Variants in HIVEP2 observed in about 807,000 individuals in gnomAD.
HIVEP2 encodes HIVEP zinc finger 2.
Under a neutral mutation model 180.7 loss-of-function variants are expected in HIVEP2, and 14 were observed. The ratio of observed to expected loss-of-function variants is 0.08; its 90% CI spans 0.05 to 0.12. The LOEUF (loss-of-function observed/expected upper bound fraction) is 0.12, where lower values mean the gene tolerates loss of function less well. Ranked by LOEUF, HIVEP2 falls within the 10% of genes least tolerant of loss-of-function variation. HIVEP2 has a pLI of 1.00. For missense variants in HIVEP2, 2,579 were observed against 3,008.5 expected (o/e 0.86, Z 3.34); for synonymous variants, 1,184 against 1,136.4 (o/e 1.04, Z -0.84).
At chr6:142,765,038 A>C in intron 6 of HIVEP2, 64 bp from the exon 7 acceptor site, 1 of 1,450,972 alleles carries the variant, frequency 6.9e-7, no homozygotes, top group Non-Finnish European at 9.3e-7. Flanking sequence ...ATATTAAAGC[A>C]AAAGCTAATT....
At chr6:142,884,462 T>C (rs902972227) in intron 1 of HIVEP2, among the ~76,000 whole-genome samples, 31 of 149,134 alleles carry the variant, frequency 2.1e-4, no homozygotes, top group African/African-American at 6.4e-4. Context: ...AATTGTCATT[T>C]AAAAAAAAAA....
At chr6:142,832,223 AAAAC>A (rs1775107894) in intron 2 of HIVEP2, among the ~76,000 whole-genome samples, 2 of 151,786 alleles carry the variant, frequency 1.3e-5, no homozygotes, top group Admixed American at 1.3e-4. Flanking sequence ...ACAAAAAACA[AAAAC>A]AAACAAAAAA....
intron 1 of HIVEP2, among the ~76,000 whole-genome samples, chr6:142,877,410 A>G (rs1562275364): frequency 6.6e-6 from 1 of 152,212 alleles, no homozygotes; most frequent in Non-Finnish European, 1.5e-5. Context: ...TGAATACCAC[A>G]ATACAAATTT....
intron 9 of HIVEP2, among the ~76,000 whole-genome samples, chr6:142,754,811 AT>A (rs1390603130): frequency 1.3e-5 from 2 of 152,210 alleles, no homozygotes; most frequent in Non-Finnish European, 1.5e-5. Flanking sequence ...TTCAGCCAGA[AT>A]TTCAGATTTC....
chr6:142,857,470 T>C (rs2114943243), intron 1 of HIVEP2, among the ~76,000 whole-genome samples: 1 of 152,338 alleles, frequency 6.6e-6, no homozygotes, highest in African/African-American at 2.4e-5. Flanking sequence ...TTAGAACTGA[T>C]AATTATGCCT....
chr6:142,934,172 A>G (rs1210938604), intron 1 of HIVEP2, among the ~76,000 whole-genome samples: 1 of 152,198 alleles, frequency 6.6e-6, no homozygotes, highest in Non-Finnish European at 1.5e-5. Flanking sequence ...ATTTTTTTCA[A>G]CAATTGAATT....
At chr6:142,756,013 A>T (rs923710872) in intron 9 of HIVEP2, among the ~76,000 whole-genome samples, 1 of 152,250 alleles carries the variant, frequency 6.6e-6, no homozygotes, top group Non-Finnish European at 1.5e-5. Context: ...ACAAACTTCC[A>T]TCTTACTTAA....
At chr6:142,842,653 C>G (rs748715718) in intron 1 of HIVEP2, among the ~76,000 whole-genome samples, 1 of 152,018 alleles carries the variant, frequency 6.6e-6, no homozygotes, top group Non-Finnish European at 1.5e-5. Context: ...TTAATTTAAG[C>G]CTTGTTTCCT....
At position 142,769,889 on chromosome 6, in the gene HIVEP2, C is replaced by G. The variant is rs777018392; in HGVS notation, c.4850G>C (p.Gly1617Ala). The change falls in exon 5 of 10, where the codon GGG becomes GCG. Residue 1617 changes from glycine to alanine, a missense_variant. Gly to Ala is a moderately conservative substitution (Grantham distance 60). This residue lies in a region of HIVEP2 where 349 missense variants were observed against 367.2 expected (regional missense o/e 0.95). Coordinates refer to ENST00000367603, the MANE Select transcript of HIVEP2 (RefSeq NM_006734.4). ...AAGAAGAGTTGAGTCTGCCACGTTC[C>G]CGCTGGGGGCAGAGGCCATGCGGAC... is the stretch of plus-strand genomic sequence containing the variant. ...MLVRMASAPS[G>A]NVADSTLLLT... The G allele has an allele frequency of 2.1e-5, 34 of 1,613,990 alleles. No individual in the cohort carries two copies. Among genetic ancestry groups the G allele is most frequent in the Non-Finnish European group, 2.7e-5 (32 of 1,180,056 alleles).
chr6:142,905,615 C>T (rs1417793335), intron 1 of HIVEP2, among the ~76,000 whole-genome samples: 2 of 152,154 alleles, frequency 1.3e-5, no homozygotes, highest in Admixed American at 1.3e-4. Context: ...AATTTACTAG[C>T]CAGATTCACT....
At chr6:142,858,335 C>T (rs974420582) in intron 1 of HIVEP2, among the ~76,000 whole-genome samples, 17 of 152,036 alleles carry the variant, frequency 1.1e-4, no homozygotes, top group African/African-American at 4.1e-4. Context: ...GCAGATCCCC[C>T]CTCTCCCCTA....
rs751274358 is a variant in HIVEP2 at position 142,768,376 on chromosome 6, C to T, written c.5342+6G>A. The T allele has an allele frequency of 1.2e-6, 2 of 1,608,594 alleles. No individual in the cohort carries two copies. The highest frequency in any genetic ancestry group is 1.7e-6 in the Non-Finnish European group (2 of 1,178,138). The stretch of plus-strand genomic sequence containing the variant: ...CACATTTTACATTTGCACTTTGTTT[C>T]CTTACCCTCCTTCAAATATTTTAAT... On this transcript the variant is annotated splice_donor_region_variant and intron_variant, in intron 6 of 9. Coordinates refer to ENST00000367603, the MANE Select transcript of HIVEP2 (RefSeq NM_006734.4).
At chr6:142,876,856 TCACACACACA>T (rs10548517) in intron 1 of HIVEP2, among the ~76,000 whole-genome samples, 2 of 149,618 alleles carry the variant, frequency 1.3e-5, no homozygotes, top group African/African-American at 2.5e-5. Flanking sequence ...AATCCCATCT[TCACACACACA>T]CACACACACA....
At chr6:142,792,048 G>T (rs1264231159) in intron 2 of HIVEP2, among the ~76,000 whole-genome samples, 1 of 152,190 alleles carries the variant, frequency 6.6e-6, no homozygotes, top group African/African-American at 2.4e-5. Flanking sequence ...ATAGACAAGA[G>T]AAGGGGTATT....
chr6:142,890,643 T>G (rs1437216981), intron 1 of HIVEP2, among the ~76,000 whole-genome samples: 1 of 152,202 alleles, frequency 6.6e-6, no homozygotes. Context: ...CCTGACCTCC[T>G]ATCTGTCAAA....
intron 1 of HIVEP2, among the ~76,000 whole-genome samples, chr6:142,897,762 T>C (rs747972490): frequency 6.6e-6 from 1 of 152,208 alleles, no homozygotes; most frequent in Non-Finnish European, 1.5e-5. Flanking sequence ...TGAAAATCCA[T>C]CAAACTGTCT....
intron 2 of HIVEP2, among the ~76,000 whole-genome samples, chr6:142,808,431 G>A (rs1013296568): frequency 1.3e-5 from 2 of 151,230 alleles, no homozygotes; most frequent in Non-Finnish European, 3.0e-5. Context: ...GAGGCAAGGA[G>A]GGAGGGAGAG....
intron 2 of HIVEP2, among the ~76,000 whole-genome samples, chr6:142,799,551 T>C (rs1249485328): frequency 1.3e-5 from 2 of 152,144 alleles, no homozygotes; most frequent in Non-Finnish European, 2.9e-5. Context: ...CTAGTCACTA[T>C]TGAAGTGACT....
intron 2 of HIVEP2, among the ~76,000 whole-genome samples, chr6:142,813,531 G>A (rs1433005742): frequency 6.7e-6 from 1 of 150,218 alleles, no homozygotes; most frequent in African/African-American, 2.4e-5. Flanking sequence ...TCATGTATAA[G>A]ATATAAGACA....
Sources: gnomAD v4.1 joint callset for allele counts (sites outside exome capture counted in the v4.1 genomes callset) on GRCh38, gnomAD v4.1.1 for gene constraint, gnomAD v4.1.1 regional missense constraint, MANE v1.5 for transcripts, NCBI Gene and HGNC (gene_info 2026-07-23, HGNC 2026-07-21) for gene names.